The following FAM117B variants were observed in gnomAD, a reference collection of about 807,000 sequenced individuals.
FAM117B encodes protein FAM117B.
In FAM117B, 22 loss-of-function variants were observed where a neutral mutation model predicts 52.8. That is an observed-to-expected ratio of 0.42 (90% CI 0.30 to 0.59). FAM117B has a LOEUF of 0.59. Ranked by LOEUF, FAM117B falls within the 20% of genes least tolerant of loss-of-function variation. The pLI is 0.22. For missense variants in FAM117B, 678 were observed against 802.6 expected (o/e 0.84, Z 1.88); for synonymous variants, 309 against 324.1 (o/e 0.95, Z 0.50).
intron 2 of FAM117B, among the ~76,000 whole-genome samples, chr2:202,705,555 A>G (rs1690858953): frequency 6.6e-6 from 1 of 152,144 alleles, no homozygotes. Flanking sequence ...CTTTTAGCTT[A>G]GTGCTCCAGC....
At chr2:202,754,203 G>A (rs562612431) in intron 4 of FAM117B, among the ~76,000 whole-genome samples, 10 of 152,272 alleles carry the variant, frequency 6.6e-5, no homozygotes, top group African/African-American at 2.4e-4. Flanking sequence ...CCATAAAAAG[G>A]AATGAGATCA....
intron 4 of FAM117B, among the ~76,000 whole-genome samples, chr2:202,751,771 CAAAAAAAAA>C (rs397868272): frequency 1.3e-5 from 1 of 76,220 alleles, no homozygotes; most frequent in Non-Finnish European, 2.4e-5. Flanking sequence ...GACTCCATCT[CAAAAAAAAA>C]AAAAAAAAAA....
Position 202,739,289 on chromosome 2 carries a change from A to C in FAM117B, c.960+12926A>C, listed in dbSNP as rs111244734. Among the ~76,000 whole-genome samples, 82 of 152,308 alleles carry C rather than the reference A, an allele frequency of 5.4e-4. 1 individual carries two copies. Among genetic ancestry groups the C allele is most frequent in the Admixed American group, 1.4e-3 (21 of 15,298 alleles). ...TAACATTGTTGAGGTTGTCCAAAGC[A>C]TCATTTTTAATGGTCCTGTGGTATA... On this transcript the variant is annotated intron_variant, in intron 4 of 7. Coordinates refer to ENST00000392238, the MANE Select transcript of FAM117B (RefSeq NM_173511.4).
Position 202,757,265 on chromosome 2 carries a change from G to A in FAM117B, c.1157G>A (p.Ser386Asn). 6.2e-7 allele frequency: 1 copy of A among 1,614,158 alleles called. No homozygotes were observed. Among genetic ancestry groups the A allele is most frequent in the Non-Finnish European group, 8.5e-7 (1 of 1,180,044 alleles). The change falls in exon 6 of 8, where the codon AGT becomes AAT. Residue 386 changes from serine to asparagine, a missense_variant. Around this residue, in one of 3 missense-constraint regions of FAM117B, gnomAD observed 583 missense variants for 644.8 expected, o/e 0.90. Transcript: ENST00000392238. ...HRAPPPLVQR[S>N]SSTRSIDTQT... ...GCTCCACCCCCCCTTGTACAGAGAA[G>A]TAGCAGCACGCGCAGCATTGACACA...
chr2:202,700,231 C>T (rs561781881), intron 2 of FAM117B, among the ~76,000 whole-genome samples: 15 of 152,284 alleles, frequency 9.9e-5, no homozygotes, highest in Non-Finnish European at 1.5e-5. Flanking sequence ...AAGCAAGGCA[C>T]GTCAAAAGCT....
chr2:202,764,694 T>C (rs1251745558), intron 7 of FAM117B, among the ~76,000 whole-genome samples: 1 of 152,248 alleles, frequency 6.6e-6, no homozygotes, highest in Non-Finnish European at 1.5e-5. Context: ...TTTTATACTT[T>C]TAATTTTCAT....
intron 1 of FAM117B, among the ~76,000 whole-genome samples, chr2:202,674,993 A>T (rs1690354419): frequency 6.6e-6 from 1 of 152,034 alleles, no homozygotes; most frequent in African/African-American, 2.4e-5. Context: ...CCAGCCCTTT[A>T]GGGGGCTCAG....
chr2:202,753,845 A>G (rs1044990908), intron 4 of FAM117B, among the ~76,000 whole-genome samples: 12 of 152,182 alleles, frequency 7.9e-5, no homozygotes, highest in Non-Finnish European at 1.2e-4. Flanking sequence ...CGCCAGTCAG[A>G]ATGGCAATTA....
chr2:202,747,989 A>G (rs1320398426), intron 4 of FAM117B, among the ~76,000 whole-genome samples: 4 of 152,196 alleles, frequency 2.6e-5, no homozygotes, highest in East Asian at 3.8e-4. Context: ...TGGAACCACA[A>G]AAGTCCCCAA....
chr2:202,713,578 T>C (rs576313337), intron 2 of FAM117B, among the ~76,000 whole-genome samples: 34 of 152,330 alleles, frequency 2.2e-4, no homozygotes, highest in African/African-American at 7.9e-4. Context: ...TGCTCCTTTC[T>C]GGTTCTTTAA....
At chr2:202,699,463 A>G (rs1418986252) in intron 2 of FAM117B, among the ~76,000 whole-genome samples, 7 of 149,354 alleles carry the variant, frequency 4.7e-5, no homozygotes, top group Non-Finnish European at 8.9e-5. Flanking sequence ...AAAAAAAAAA[A>G]AGAAAGAAAG....
intron 1 of FAM117B, among the ~76,000 whole-genome samples, chr2:202,676,482 C>T (rs949516721): frequency 6.6e-6 from 1 of 151,622 alleles, no homozygotes; most frequent in African/African-American, 2.4e-5. Context: ...CAGGTTCAAG[C>T]GATTCTCCTG....
intron 1 of FAM117B, among the ~76,000 whole-genome samples, chr2:202,643,614 T>C (rs925146883): frequency 2.0e-5 from 3 of 152,212 alleles, no homozygotes; most frequent in African/African-American, 7.2e-5. Context: ...AATGTTCCCT[T>C]GTCACATCTT....
At chr2:202,763,335 G>A (rs541972822) in intron 7 of FAM117B, among the ~76,000 whole-genome samples, 8 of 152,210 alleles carry the variant, frequency 5.3e-5, no homozygotes, top group Admixed American at 4.6e-4. Flanking sequence ...GCCTCCCAAA[G>A]TGCTGGGATT....
chr2:202,651,959 AAG>A (rs1237956279), intron 1 of FAM117B, among the ~76,000 whole-genome samples: 1 of 151,560 alleles, frequency 6.6e-6, no homozygotes, highest in Non-Finnish European at 1.5e-5. Context: ...AGGCTGAGGC[AAG>A]AGAATTGCTT....
At chr2:202,676,931 T>C (rs72928909) in intron 1 of FAM117B, among the ~76,000 whole-genome samples, 27,914 of 152,062 alleles carry the variant, frequency 0.18, 3,244 homozygotes, top group South Asian at 0.38. Flanking sequence ...AGCATATTGT[T>C]GAAAAACGGA....
At chr2:202,714,011 A>G (rs1690998824) in intron 2 of FAM117B, among the ~76,000 whole-genome samples, 3 of 152,104 alleles carry the variant, frequency 2.0e-5, no homozygotes, top group Middle Eastern at 3.2e-3. Flanking sequence ...CTGGCCCTCC[A>G]TTATCATTTG....
chr2:202,670,136 A>G (rs759230074), intron 1 of FAM117B, among the ~76,000 whole-genome samples: 29 of 152,174 alleles, frequency 1.9e-4, no homozygotes, highest in Non-Finnish European at 3.8e-4. Context: ...AGTACCTGCT[A>G]TGTGCTAGCT....
chr2:202,731,998 G>A (rs988549245), intron 4 of FAM117B, among the ~76,000 whole-genome samples: 4 of 150,772 alleles, frequency 2.7e-5, no homozygotes, highest in South Asian at 2.1e-4. Flanking sequence ...GCCTCCCAAA[G>A]TACTGGGATT....
Sources: gnomAD v4.1 joint callset for allele counts (sites outside exome capture counted in the v4.1 genomes callset) on GRCh38, gnomAD v4.1.1 for gene constraint, gnomAD v4.1.1 regional missense constraint, MANE v1.5 for transcripts, NCBI Gene and HGNC (gene_info 2026-07-23, HGNC 2026-07-21) for gene names.